Variants in MYO7B observed in about 807,000 individuals in gnomAD.
MYO7B encodes myosin VIIB, also known as unconventional myosin-VIIb.
Under a neutral mutation model 259.7 loss-of-function variants are expected in MYO7B, and 212 were observed. The ratio of observed to expected loss-of-function variants is 0.82; its 90% confidence interval spans 0.73 to 0.91. The LOEUF (loss-of-function observed/expected upper bound fraction) is 0.91, where lower values mean the gene tolerates loss of function less well. Ranked by LOEUF, MYO7B falls within the 40% of genes least tolerant of loss-of-function variation. The pLI, the probability that MYO7B is intolerant of heterozygous loss-of-function variation, is 0.00. For missense variants in MYO7B, 2,732 were observed against 2,813.5 expected (o/e 0.97, Z 0.66); for synonymous variants, 1,197 against 1,166.4 (o/e 1.03, Z -0.54).
rs915665751 is a variant in MYO7B, at chr2:127,539,306, T to C, written c.-24+3475T>C. Among the ~76,000 whole-genome samples the C allele has an allele frequency of 2.0e-5, 3 of 152,168 alleles. No homozygotes were observed. Among genetic ancestry groups the C allele is most frequent in the South Asian group, 2.1e-4 (1 of 4,834 alleles). ...GCTGGGAAAATGTTAGTAAACAAAA[T>C]GTACATCAGAAAATCCCATATATTT... is the stretch of plus-strand genomic sequence containing the variant. On this transcript the variant is annotated intron_variant, in intron 1 of 47. Coordinates refer to ENST00000409816, the MANE Select transcript of MYO7B (RefSeq NM_001393586.1). This position sits in a 1 kb window ranked among gnomAD's most constrained non-coding sequence, Gnocchi z 4.0.
rs1417802229 is a variant in MYO7B, at chr2:127,627,234, C to T, written c.4384C>T (p.Leu1462Phe). 1 of 1,611,246 alleles carries T rather than the reference C, an allele frequency of 6.2e-7. No individual in the cohort carries two copies. The highest frequency in any genetic ancestry group is 1.1e-5 in the South Asian group (1 of 90,538). ...QLILAVNWKG[L>F]CFLDQQEKML... ...GATCTTGGCTGTTAACTGGAAGGGG[C>T]TTTGCTTCCTGGACCAGCAGGAGAA... Residue 1462 changes from leucine to phenylalanine, a missense_variant, in exon 33 of 48, where the codon CTT becomes TTT. Leu to Phe is a conservative substitution (Grantham distance 22). Coordinates refer to ENST00000409816, the MANE Select transcript of MYO7B (RefSeq NM_001393586.1). The surrounding 1 kb of genome is among the most constrained non-coding windows in gnomAD (Gnocchi z 5.6).
At chr2:127,620,750 T>C (rs2105075136) in intron 27 of MYO7B, among the ~76,000 whole-genome samples, 1 of 152,256 alleles carries the variant, frequency 6.6e-6, no homozygotes, top group South Asian at 2.1e-4. Flanking sequence ...AATGAGAAGG[T>C]AGATGACACG....
chr2:127,536,306 T>G (rs560368378), intron 1 of MYO7B, among the ~76,000 whole-genome samples: 109 of 152,254 alleles, frequency 7.2e-4, no homozygotes, highest in African/African-American at 2.6e-3. Context: ...ACACAGAGAC[T>G]GAGGACCATG....
chr2:127,627,019 G>A lies in MYO7B; in HGVS notation c.4260G>A (p.Glu1420=). The A allele has an allele frequency of 6.2e-7, 1 of 1,611,346 alleles. No homozygotes were observed. Among genetic ancestry groups the A allele is most frequent in the Non-Finnish European group, 8.5e-7 (1 of 1,179,270 alleles). ...AAGTCACACCACTGGCCGTGCGAGAGCAGGTGGTGGACGCCGCCCGCCTGC... is the reference window on the plus strand; with the variant it reads ...AAGTCACACCACTGGCCGTGCGAGAACAGGTGGTGGACGCCGCCCGCCTGC... ...QKQVTPLAVR[E]QVVDAARLQW... The change falls in exon 32 of 48, where the codon GAG becomes GAA. Residue 1420 remains glutamate, a synonymous_variant. Transcript: ENST00000409816. This position sits in a 1 kb window ranked among gnomAD's most constrained non-coding sequence, Gnocchi z 5.6.
intron 24 of MYO7B, 90 bp from the exon 25 acceptor site, chr2:127,612,160 G>A: frequency 2.0e-6 from 1 of 496,726 alleles, no homozygotes; most frequent in Admixed American, 2.3e-5. Flanking sequence ...GGGTGAAAGG[G>A]ACACGTGCTC....
At chr2:127,557,787 CCA>C (rs1677892649) in intron 1 of MYO7B, among the ~76,000 whole-genome samples, 1 of 152,236 alleles carries the variant, frequency 6.6e-6, no homozygotes, top group Non-Finnish European at 1.5e-5. Flanking sequence ...AATTGAAAAG[CCA>C]CATGTAGGAG....
At chr2:127,578,620 G>GGGGATTAAGTTGTCCTGGCC (rs1678982306) in intron 9 of MYO7B, among the ~76,000 whole-genome samples, 1 of 152,094 alleles carries the variant, frequency 6.6e-6, no homozygotes, top group Non-Finnish European at 1.5e-5. Context: ...GGGGTGGTCT[G>GGGGATTAAGTTGTCCTGGCC]GGGATTAAGT....
At chr2:127,631,439 C>A in intron 37 of MYO7B, 76 bp downstream of exon 37, 1 of 1,559,874 alleles carries the variant, frequency 6.4e-7, no homozygotes, top group South Asian at 1.2e-5. Context: ...GGCCCTACAG[C>A]TGTGCTCTAG....
chr2:127,631,626 C>A lies in MYO7B; in HGVS notation c.5122C>A (p.Pro1708Thr). 1 of 1,613,212 alleles carries A rather than the reference C, an allele frequency of 6.2e-7. No individual in the cohort carries two copies. Reference sequence around the variant, plus strand: ...CATCCTCCGGTACATGGGCGACTACCCTTCTCGGCAGGCCTGGCCCACCCT... The same window carrying A: ...CATCCTCCGGTACATGGGCGACTACACTTCTCGGCAGGCCTGGCCCACCCT... The part of the protein sequence containing the change: ...VAILRYMGDY[P>T]SRQAWPTLEL... The change falls in exon 38 of 48, where the codon CCT (proline) becomes ACT (threonine). Residue 1708 changes from proline to threonine, a missense_variant. Physicochemically the swap from Pro to Thr is conservative, Grantham distance 38. Transcript: ENST00000409816.
intron 1 of MYO7B, among the ~76,000 whole-genome samples, chr2:127,537,494 A>G (rs1218766631): frequency 6.6e-6 from 1 of 152,200 alleles, no homozygotes; most frequent in African/African-American, 2.4e-5. Flanking sequence ...CTGTTCAGGG[A>G]GGAAGAGCCA....
At chr2:127,612,792 C>A (rs1680438029) in intron 26 of MYO7B, among the ~76,000 whole-genome samples, 189 bp downstream of exon 26, 1 of 152,214 alleles carries the variant, frequency 6.6e-6, no homozygotes, top group African/African-American at 2.4e-5. Context: ...TTTAAAAAAG[C>A]CATGAGTAAA....
intron 1 of MYO7B, among the ~76,000 whole-genome samples, chr2:127,558,115 C>A (rs1677903616): frequency 6.6e-6 from 1 of 152,088 alleles, no homozygotes; most frequent in African/African-American, 2.4e-5. Context: ...GGACTAATAT[C>A]CAGAATCTAC....
chr2:127,621,861 G>A (rs1680853865), intron 27 of MYO7B, 121 bp from the exon 28 acceptor site: 1 of 1,416,394 alleles, frequency 7.1e-7, no homozygotes, highest in Non-Finnish European at 9.7e-7. Context: ...ACGGGTGTGA[G>A]GGTGCCCCTC....
At position 127,577,090 on chromosome 2, in the gene MYO7B, C is replaced by G. The variant is rs1012219410; in HGVS notation, c.849+382C>G. On this transcript the variant is annotated intron_variant, in intron 8 of 47. Transcript: ENST00000409816. The surrounding 1 kb of genome is among the most constrained non-coding windows in gnomAD (Gnocchi z 5.2). ...GGCCCCCTAAAACGTAAGCCCCGGG[C>G]CCCAGGAAAGCAAAGCCCTTCCTGT... is the stretch of plus-strand genomic sequence containing the variant. Among the ~76,000 whole-genome samples the G allele has an allele frequency of 6.6e-6, 1 of 152,132 alleles. No individual in the cohort carries two copies.
chr2:127,584,693 T>C lies in MYO7B; in HGVS notation c.1555-85T>C. ...CAATCATTCTGAGCCCAGATCTCTT[T>C]GCCTCCATGAGGAAGTCCCTGAGCC... On this transcript the variant is annotated intron_variant, in intron 13 of 47. Coordinates refer to ENST00000409816, the MANE Select transcript of MYO7B (RefSeq NM_001393586.1). The surrounding 1 kb of genome is among the most constrained non-coding windows in gnomAD (Gnocchi z 5.8). The C allele has an allele frequency of 2.7e-6, 4 of 1,504,682 alleles. No homozygotes were observed. Among genetic ancestry groups the C allele is most frequent in the Non-Finnish European group, 3.6e-6 (4 of 1,101,554 alleles). The allele number at this position is 1,504,682 out of a possible 1,614,324, so 93.2% of individuals were successfully genotyped here.
At chr2:127,625,081 G>T (rs1681037107) in intron 30 of MYO7B, among the ~76,000 whole-genome samples, 2 of 152,196 alleles carry the variant, frequency 1.3e-5, no homozygotes, top group Non-Finnish European at 2.9e-5. Context: ...ACTCAGATGA[G>T]GAAACGCCTT....
At chr2:127,565,163 G>A (rs1043327457) in intron 3 of MYO7B, 70 bp from the exon 4 acceptor site, 11 of 1,549,470 alleles carry the variant, frequency 7.1e-6, no homozygotes, top group Admixed American at 5.6e-5. Flanking sequence ...GAACTTGGAG[G>A]GGAGGGTGTG....
chr2:127,584,204 G>C lies in MYO7B; in HGVS notation c.1426G>C (p.Glu476Gln). 6.2e-7 allele frequency: 1 copy of C among 1,613,994 alleles called. No homozygotes were observed. The change falls in exon 13 of 48, where the codon GAG becomes CAG. Residue 476 changes from glutamate (E) to glutamine (Q), a missense_variant. By Grantham distance (29) the Glu-to-Gln change is conservative. This residue lies in a region of MYO7B where 1,906 missense variants were observed against 2,026.4 expected (regional missense o/e 0.94). Transcript: ENST00000409816. The surrounding 1 kb of genome is among the most constrained non-coding windows in gnomAD (Gnocchi z 5.8). The part of the protein sequence containing the change: ...VQHVFTMEQE[E>Q]YRSENISWDY... ...GCACGTGTTCACCATGGAGCAAGAG[G>C]AGTACCGCTCGGAGAACATCTCCTG...
intron 27 of MYO7B, among the ~76,000 whole-genome samples, chr2:127,621,340 T>G (rs1048625547): frequency 3.3e-5 from 5 of 150,324 alleles, no homozygotes; most frequent in Non-Finnish European, 4.4e-5. Flanking sequence ...CTTGGTTCAC[T>G]GCATCCTCTG....
Sources: gnomAD v4.1 joint callset for allele counts (sites outside exome capture counted in the v4.1 genomes callset) on GRCh38, gnomAD v4.1.1 for gene constraint, gnomAD v4.1.1 regional missense constraint, Gnocchi (gnomAD v3.1) non-coding constraint, MANE v1.5 for transcripts, NCBI Gene and HGNC (gene_info 2026-07-23, HGNC 2026-07-21) for gene names.